ABCC4: variants seen among roughly 807,000 people sequenced by gnomAD.
ABCC4 encodes the protein ATP binding cassette subfamily C member 4 (PEL blood group).
A neutral mutation model predicts 168.5 loss-of-function variants in ABCC4; 102 were observed. The ratio of observed to expected loss-of-function variants is 0.61; its 90% confidence interval spans 0.52 to 0.71. The LOEUF (loss-of-function observed/expected upper bound fraction) is 0.71, where lower values mean the gene tolerates loss of function less well. Among genes scored for constraint, ABCC4 ranks in the 30% least tolerant of loss-of-function variants. ABCC4 has a pLI of 0.00. For synonymous variants in ABCC4, 617 were observed against 590.7 expected, an observed-to-expected ratio of 1.04 and a Z score of -0.65; for missense variants, 1,402 against 1,605.8, an observed-to-expected ratio of 0.87 and a Z score of 2.17.
At chr13:95,261,055 A>C (rs763364265) in intron 1 of ABCC4, among the ~76,000 whole-genome samples, 8 of 152,014 alleles carry the variant, frequency 5.3e-5, no homozygotes, top group Non-Finnish European at 1.0e-4. Flanking sequence ...AAACAAGAAA[A>C]ACATCGCAAC....
intron 25 of ABCC4, among the ~76,000 whole-genome samples, chr13:95,065,444 C>T (rs527743268): frequency 6.6e-6 from 1 of 152,068 alleles, no homozygotes; most frequent in African/African-American, 2.4e-5. Flanking sequence ...AAGATATAAT[C>T]TCATATATTT....
intron 3 of ABCC4, among the ~76,000 whole-genome samples, chr13:95,245,999 C>T (rs1291996131): frequency 6.6e-5 from 10 of 151,864 alleles, no homozygotes; most frequent in Admixed American, 6.6e-4. Flanking sequence ...CACTGACATC[C>T]CTAAGGTAGC....
chr13:95,194,136 C>A (rs2038342862), intron 9 of ABCC4, among the ~76,000 whole-genome samples: 2 of 152,208 alleles, frequency 1.3e-5, no homozygotes, highest in Admixed American at 1.3e-4. Flanking sequence ...AGCCTCAGTA[C>A]TTCTTGTGGG....
chr13:95,033,313 T>C (rs1008486024), intron 30 of ABCC4, among the ~76,000 whole-genome samples: 30 of 152,326 alleles, frequency 2.0e-4, no homozygotes, highest in African/African-American at 5.5e-4. Context: ...CATATTATAC[T>C]GCCTATGGAT....
At chr13:95,057,317 G>C (rs1279070088) in intron 26 of ABCC4, among the ~76,000 whole-genome samples, 2 of 152,032 alleles carry the variant, frequency 1.3e-5, no homozygotes, top group Non-Finnish European at 2.9e-5. Context: ...TCAGCTCATG[G>C]CAACCTCTGC....
At chr13:95,096,631 G>C (rs1011028534) in intron 20 of ABCC4, among the ~76,000 whole-genome samples, 3 of 151,832 alleles carry the variant, frequency 2.0e-5, no homozygotes, top group African/African-American at 7.3e-5. Context: ...AATGAAGGGA[G>C]AAGACAATGA....
intron 20 of ABCC4, among the ~76,000 whole-genome samples, chr13:95,087,352 T>G (rs1002796802): frequency 2.0e-5 from 3 of 152,140 alleles, no homozygotes; most frequent in Non-Finnish European, 4.4e-5. Flanking sequence ...ACCCCGTCTC[T>G]ACTAAAAACA....
intron 1 of ABCC4, among the ~76,000 whole-genome samples, chr13:95,252,635 T>G (rs1462510284): frequency 1.3e-5 from 2 of 152,056 alleles, no homozygotes; most frequent in African/African-American, 2.4e-5. Context: ...AGATCGCACC[T>G]TTGCACTCCA....
At chr13:95,246,158 T>C (rs552275736) in intron 3 of ABCC4, among the ~76,000 whole-genome samples, 16 of 152,330 alleles carry the variant, frequency 1.1e-4, no homozygotes, top group Admixed American at 3.3e-4. Context: ...ACAGAGGTTA[T>C]TGCCCTTCTG....
At chr13:95,283,885 C>T (rs1293560558) in intron 1 of ABCC4, among the ~76,000 whole-genome samples, 3 of 137,294 alleles carry the variant, frequency 2.2e-5, no homozygotes, top group East Asian at 2.2e-4. Context: ...GCAACAAGAG[C>T]GAAACTCCGT....
intron 3 of ABCC4, among the ~76,000 whole-genome samples, chr13:95,235,909 T>C (rs1234253328): frequency 6.6e-6 from 1 of 152,140 alleles, no homozygotes; most frequent in Non-Finnish European, 1.5e-5. Flanking sequence ...TTATCAGCCA[T>C]ATTTTGAAGG....
At chr13:95,064,266 A>G (rs1248602099) in intron 25 of ABCC4, among the ~76,000 whole-genome samples, 11 of 1,880 alleles carry the variant, frequency 5.9e-3, no homozygotes, top group East Asian at 0.052. Context: ...GTGTGTATAT[A>G]TATATATATA....
intron 4 of ABCC4, among the ~76,000 whole-genome samples, chr13:95,229,832 C>G (rs192781911): frequency 1.8e-4 from 28 of 152,284 alleles, no homozygotes; most frequent in African/African-American, 6.7e-4. Context: ...GGCTGAAGAT[C>G]TTCAGCTATC....
At chr13:95,024,381 G>A (rs2031280183) in intron 30 of ABCC4, among the ~76,000 whole-genome samples, 2 of 152,072 alleles carry the variant, frequency 1.3e-5, no homozygotes, top group Non-Finnish European at 2.9e-5. Flanking sequence ...GGGAAACCTT[G>A]TCCCTCTTTT....
intron 19 of ABCC4, among the ~76,000 whole-genome samples, chr13:95,154,400 G>A (rs186917800): frequency 7.2e-5 from 11 of 152,268 alleles, no homozygotes; most frequent in African/African-American, 2.4e-4. Context: ...CTGTCAGGAC[G>A]GTTGTTATTC....
chr13:95,033,198 G>T (rs536815797), intron 30 of ABCC4, among the ~76,000 whole-genome samples: 12 of 152,006 alleles, frequency 7.9e-5, no homozygotes, highest in Non-Finnish European at 1.8e-4. Context: ...TTATTCTGTT[G>T]TCTGTAATAG....
chr13:95,062,592 G>T, intron 26 of ABCC4, 112 bp downstream of exon 26: 2 of 996,352 alleles, frequency 2.0e-6, no homozygotes, highest in Non-Finnish European at 1.5e-6. Context: ...GCTCTATTGG[G>T]TGAAAAAAAA....
intron 4 of ABCC4, among the ~76,000 whole-genome samples, chr13:95,227,783 C>A (rs1438469309): frequency 6.6e-6 from 1 of 152,156 alleles, no homozygotes; most frequent in Non-Finnish European, 1.5e-5. Context: ...GATCTCAGCT[C>A]ACTGCAACCT....
At chr13:95,255,376 C>G (rs2040367288) in intron 1 of ABCC4, among the ~76,000 whole-genome samples, 1 of 152,220 alleles carries the variant, frequency 6.6e-6, no homozygotes, top group Non-Finnish European at 1.5e-5. Flanking sequence ...TTTCTTCAAT[C>G]TCCTCCCATT....
Sources: allele counts gnomAD v4.1 joint callset (sites outside exome capture counted in the v4.1 genomes callset), GRCh38; gene constraint gnomAD v4.1.1; transcripts MANE v1.5; gene names NCBI Gene and HGNC (gene_info 2026-07-23, HGNC 2026-07-21).